Variants in SH3GL2 observed in about 807,000 individuals in gnomAD.
SH3GL2 encodes SH3 domain containing GRB2 like 2, endophilin A1, also known as endophilin-A1.
SH3GL2 carries 24 observed loss-of-function variants against 46.0 expected under a neutral mutation model. That is an observed-to-expected ratio of 0.52 (90% CI 0.38 to 0.73). SH3GL2 has a LOEUF of 0.73. Ranked by LOEUF, SH3GL2 falls within the 30% of genes least tolerant of loss-of-function variation. SH3GL2 has a pLI of 0.00. For synonymous variants in SH3GL2, 196 were observed against 147.1 expected, an observed-to-expected ratio of 1.33 and a Z score of -2.40; for missense variants, 413 against 424.2, an observed-to-expected ratio of 0.97 and a Z score of 0.23.
chr9:17,754,454 A>T (rs1480434366), intron 2 of SH3GL2, among the ~76,000 whole-genome samples: 1 of 152,070 alleles, frequency 6.6e-6, no homozygotes, highest in Non-Finnish European at 1.5e-5. Context: ...TGGGCAGATC[A>T]TGAGGTCAGG....
chr9:17,655,537 G>A (rs16935845), intron 1 of SH3GL2, among the ~76,000 whole-genome samples: 12,930 of 152,174 alleles, frequency 0.085, 1,453 homozygotes, highest in African/African-American at 0.26. Context: ...GTCAGTTTTC[G>A]AAGTGAATTA....
chr9:17,746,331 C>G (rs13291891), intron 1 of SH3GL2, among the ~76,000 whole-genome samples: 1 of 152,104 alleles, frequency 6.6e-6, no homozygotes, highest in Non-Finnish European at 1.5e-5. Flanking sequence ...CCGCCTCGGC[C>G]TCCCAAAGTG....
At chr9:17,689,628 GGC>G (rs150586483) in intron 1 of SH3GL2, among the ~76,000 whole-genome samples, 6,165 of 151,954 alleles carry the variant, frequency 0.041, 430 homozygotes, top group African/African-American at 0.14. Context: ...CTGCTACTCT[GGC>G]CTGGTTGCTG....
chr9:17,764,491 C>A (rs544781709), intron 3 of SH3GL2, among the ~76,000 whole-genome samples: 2 of 152,210 alleles, frequency 1.3e-5, no homozygotes, highest in South Asian at 4.1e-4. Flanking sequence ...TTTCAGTGAA[C>A]CCTAGAGCTG....
intron 1 of SH3GL2, among the ~76,000 whole-genome samples, chr9:17,656,444 G>A (rs755595829): frequency 6.6e-6 from 1 of 151,826 alleles, no homozygotes; most frequent in Non-Finnish European, 1.5e-5. Flanking sequence ...AATATCCTAT[G>A]CCAGTGCTTT....
chr9:17,631,414 A>G (rs1157807589), intron 1 of SH3GL2, among the ~76,000 whole-genome samples: 2 of 152,156 alleles, frequency 1.3e-5, no homozygotes, highest in South Asian at 4.1e-4. Context: ...CATTCTGACA[A>G]CTGTTCTGGC....
intron 2 of SH3GL2, among the ~76,000 whole-genome samples, chr9:17,754,234 A>G (rs9407830): frequency 0.054 from 8,207 of 152,244 alleles, 684 homozygotes; most frequent in African/African-American, 0.18. Context: ...TGGTAGTCTA[A>G]TAGGAATAGC....
At chr9:17,677,164 T>G (rs913882652) in intron 1 of SH3GL2, among the ~76,000 whole-genome samples, 1 of 143,048 alleles carries the variant, frequency 7.0e-6, no homozygotes, top group Non-Finnish European at 1.5e-5. Context: ...CTGTGAAGAT[T>G]TGAAAAACAT....
chr9:17,631,187 T>C (rs1819413657), intron 1 of SH3GL2, among the ~76,000 whole-genome samples: 1 of 152,192 alleles, frequency 6.6e-6, no homozygotes, highest in African/African-American at 2.4e-5. Flanking sequence ...TTCACATTTG[T>C]AGGCTTGTTT....
At chr9:17,755,841 TC>T (rs1822972990) in intron 2 of SH3GL2, 2 of 906,372 alleles carry the variant, frequency 2.2e-6, no homozygotes, top group Non-Finnish European at 2.6e-6. Context: ...AAGGTAATAT[TC>T]CCATGTCTCT....
rs73645128 is a variant in SH3GL2 at position 17,677,525 on chromosome 9, A to G, written c.46-69541A>G. ...TGATTATTTTATACAACTCACACCAAATCTCTTTTTTTAAACTCATGTTTT... is the reference window on the plus strand; with the variant it reads ...TGATTATTTTATACAACTCACACCAGATCTCTTTTTTTAAACTCATGTTTT... On this transcript the variant is annotated intron_variant, in intron 1 of 8. Transcript: ENST00000380607. Among the ~76,000 whole-genome samples the G allele has an allele frequency of 6.6e-3, 1,010 of 151,924 alleles. 18 individuals are homozygous for G. The highest frequency in any genetic ancestry group is 0.024 in the African/African-American group (977 of 41,438).
chr9:17,670,507 C>T (rs1820447237), intron 1 of SH3GL2, among the ~76,000 whole-genome samples: 1 of 152,128 alleles, frequency 6.6e-6, no homozygotes, highest in Admixed American at 6.5e-5. Context: ...GCCAATAGCT[C>T]CTAATAGCTT....
intron 1 of SH3GL2, among the ~76,000 whole-genome samples, chr9:17,739,542 C>T (rs1255626020): frequency 6.6e-6 from 1 of 152,118 alleles, no homozygotes; most frequent in Non-Finnish European, 1.5e-5. Context: ...TCCCTGCTTG[C>T]TGAACTGCCC....
At chr9:17,602,723 G>A (rs1353949352) in intron 1 of SH3GL2, among the ~76,000 whole-genome samples, 1 of 152,178 alleles carries the variant, frequency 6.6e-6, no homozygotes, top group East Asian at 1.9e-4. Context: ...AAGATGGAGT[G>A]GGAATAAGGT....
At chr9:17,782,070 C>T (rs753905936) in intron 3 of SH3GL2, among the ~76,000 whole-genome samples, 1 of 152,136 alleles carries the variant, frequency 6.6e-6, no homozygotes, top group Non-Finnish European at 1.5e-5. Context: ...ATTTCTTTTG[C>T]TCACTTTATC....
intron 1 of SH3GL2, among the ~76,000 whole-genome samples, chr9:17,657,733 C>CAG (rs3084637): frequency 0.46 from 69,547 of 151,768 alleles, 16,251 homozygotes; most frequent in South Asian, 0.62. Context: ...TTATCTGTAA[C>CAG]GGGAACAATA....
In SH3GL2 at chr9:17,722,617, C is replaced by T. The variant is rs538522069; in HGVS notation, c.46-24449C>T. ...TGTATTCCTGTGCCATGCTGGTGTGCTGCACCTATTAAAATCATGCTGCAG... is the reference window on the plus strand; with the variant it reads ...TGTATTCCTGTGCCATGCTGGTGTGTTGCACCTATTAAAATCATGCTGCAG... On this transcript the variant is annotated intron_variant, in intron 1 of 8. Coordinates refer to ENST00000380607, the MANE Select transcript of SH3GL2 (RefSeq NM_003026.5). Among the ~76,000 whole-genome samples the T allele has an allele frequency of 1.1e-4, 16 of 152,014 alleles. 1 individual carries two copies. The South Asian group carries it at 3.3e-3, about 32-fold the overall frequency.
chr9:17,703,262 A>G (rs1027353148), intron 1 of SH3GL2, among the ~76,000 whole-genome samples: 10 of 152,132 alleles, frequency 6.6e-5, no homozygotes, highest in Non-Finnish European at 1.2e-4. Flanking sequence ...AATATTTTAT[A>G]AATAACTAGC....
At chr9:17,683,050 G>C (rs1439799368) in intron 1 of SH3GL2, among the ~76,000 whole-genome samples, 1 of 152,100 alleles carries the variant, frequency 6.6e-6, no homozygotes, top group Non-Finnish European at 1.5e-5. Context: ...CAACTAACTA[G>C]CCTGAAATCT....
Sources: gnomAD v4.1 joint callset for allele counts (sites outside exome capture counted in the v4.1 genomes callset) on GRCh38, gnomAD v4.1.1 for gene constraint, MANE v1.5 for transcripts, NCBI Gene and HGNC (gene_info 2026-07-23, HGNC 2026-07-21) for gene names.